The following CDH4 variants were observed in gnomAD, a reference collection of about 807,000 sequenced individuals.
CDH4 encodes the protein cadherin 4.
A neutral mutation model predicts 86.0 loss-of-function variants in CDH4; 33 were observed. That is an observed-to-expected ratio of 0.38 (90% CI 0.29 to 0.51). CDH4 has a LOEUF of 0.51. Ranked by LOEUF, CDH4 falls within the 20% of genes least tolerant of loss-of-function variation. The pLI, the probability that CDH4 is intolerant of heterozygous loss-of-function variation, is 0.86. For synonymous variants in CDH4, 555 were observed against 549.4 expected, an observed-to-expected ratio of 1.01 and a Z score of -0.14; for missense variants, 1,114 against 1,307.4, an observed-to-expected ratio of 0.85 and a Z score of 2.28.
rs548924115 is a variant in CDH4 at position 61,419,395 on chromosome 20, G to A, written c.169+164458G>A. Among the ~76,000 whole-genome samples the A allele has an allele frequency of 6.6e-5, 10 of 152,306 alleles. No homozygotes were observed. The East Asian group carries it at 9.6e-4, about 15-fold the overall frequency. On this transcript the variant is annotated intron_variant, in intron 2 of 15. Coordinates refer to ENST00000614565, the MANE Select transcript of CDH4 (RefSeq NM_001794.5). ...TAATCCTTACAGCTTAGGCAAGTTC[G>A]TGGTGCCTCAGAGATGAAACCTGAG...
At chr20:61,611,379 C>T (rs2086684063) in intron 2 of CDH4, among the ~76,000 whole-genome samples, 1 of 152,052 alleles carries the variant, frequency 6.6e-6, no homozygotes, top group Admixed American at 6.5e-5. Context: ...TCCCAGGGCT[C>T]TGGGAGCTGA....
chr20:61,894,642 A>G (rs1382761519), intron 7 of CDH4, among the ~76,000 whole-genome samples: 3 of 152,052 alleles, frequency 2.0e-5, no homozygotes, highest in Non-Finnish European at 2.9e-5. Context: ...ATCTGCCCCT[A>G]TCAACGGCAG....
At chr20:61,898,210 G>A (rs971914085) in intron 8 of CDH4, among the ~76,000 whole-genome samples, 5 of 152,250 alleles carry the variant, frequency 3.3e-5, no homozygotes, top group Non-Finnish European at 4.4e-5. Flanking sequence ...CCACACTGCC[G>A]CACATGCCGC....
chr20:61,306,821 G>A lies in CDH4; in HGVS notation c.169+51884G>A, dbSNP rs1445750634. ...CACCTGGATCCACTGCAGACCTACA[G>A]CTCAGCGTTGCCTGATTTCGAACTT... is the stretch of plus-strand genomic sequence containing the variant. On this transcript the variant is annotated intron_variant, in intron 2 of 15. Transcript: ENST00000614565. Among the ~76,000 whole-genome samples the A allele has an allele frequency of 3.5e-4, 53 of 152,232 alleles. 1 individual carries two copies. Among genetic ancestry groups the A allele is most frequent in the Non-Finnish European group, 1.3e-4 (9 of 68,022 alleles).
intron 8 of CDH4, among the ~76,000 whole-genome samples, chr20:61,901,301 C>G (rs1435985302): frequency 6.6e-6 from 1 of 152,182 alleles, no homozygotes; most frequent in Non-Finnish European, 1.5e-5. Context: ...TCCGACAATT[C>G]TGATTTGTGA....
chr20:61,427,520 C>T (rs1413386795), intron 2 of CDH4, among the ~76,000 whole-genome samples: 1 of 151,340 alleles, frequency 6.6e-6, no homozygotes. Context: ...TTTTTTGGAC[C>T]ACCTGGCAGC....
chr20:61,488,140 T>C (rs2085606558), intron 2 of CDH4, among the ~76,000 whole-genome samples: 1 of 152,216 alleles, frequency 6.6e-6, no homozygotes, highest in African/African-American at 2.4e-5. Flanking sequence ...TTAGCAGCAG[T>C]GATCTAACAT....
chr20:61,310,192 T>C (rs1474801035), intron 2 of CDH4, among the ~76,000 whole-genome samples: 2 of 152,160 alleles, frequency 1.3e-5, no homozygotes, highest in African/African-American at 4.8e-5. Flanking sequence ...TTCAGCCCAC[T>C]GTCTGGTTGG....
Position 61,784,533 on chromosome 20 carries a change from CGAGG to C in CDH4, c.576+11352_576+11355del, listed in dbSNP as rs1264092482. ...AAGCCCAGTTCCTCGGGACAGTTCTCGAGGCCCTCAGGTGTCTTGTGCCCCCAAG... is the reference window on the plus strand; with the variant it reads ...AAGCCCAGTTCCTCGGGACAGTTCTCCCCTCAGGTGTCTTGTGCCCCCAAG... On this transcript the variant is annotated intron_variant, in intron 4 of 15. Transcript: ENST00000614565. 9.2e-3 allele frequency among the ~76,000 whole-genome samples: 961 copies of C among 104,704 alleles called. 3 individuals carry two copies. Among genetic ancestry groups the C allele is most frequent in the Middle Eastern group, 0.017 (3 of 176 alleles). 68.7% of individuals were successfully genotyped at this position (104,704 alleles called of 152,430 possible).
chr20:61,554,410 C>T (rs2086158447), intron 2 of CDH4, among the ~76,000 whole-genome samples: 2 of 152,220 alleles, frequency 1.3e-5, no homozygotes, highest in Admixed American at 1.3e-4. Flanking sequence ...CATTATGTCG[C>T]CACTGACCAG....
chr20:61,907,372 G>T (rs2054801357), intron 8 of CDH4, among the ~76,000 whole-genome samples: 1 of 151,862 alleles, frequency 6.6e-6, no homozygotes, highest in African/African-American at 2.4e-5. Flanking sequence ...ATCCCGTGTG[G>T]CCACAGCCTC....
intron 2 of CDH4, among the ~76,000 whole-genome samples, chr20:61,613,752 T>G (rs79558918): frequency 0.017 from 2,510 of 152,036 alleles, 96 homozygotes; most frequent in African/African-American, 0.057. Context: ...ATTTGATTCT[T>G]GAGCTGGGCA....
At chr20:61,769,680 C>G (rs2145981471) in intron 3 of CDH4, among the ~76,000 whole-genome samples, 1 of 152,256 alleles carries the variant, frequency 6.6e-6, no homozygotes, top group African/African-American at 2.4e-5. Context: ...AATGATGGTG[C>G]TCCCCGCTGA....
intron 2 of CDH4, among the ~76,000 whole-genome samples, chr20:61,683,090 G>A (rs576216093): frequency 6.6e-6 from 1 of 152,190 alleles, no homozygotes; most frequent in East Asian, 1.9e-4. Context: ...CCTGGCAATG[G>A]GACTGGCTGC....
At chr20:61,457,889 AGTG>A (rs967021568) in intron 2 of CDH4, among the ~76,000 whole-genome samples, 4 of 145,082 alleles carry the variant, frequency 2.8e-5, no homozygotes, top group African/African-American at 7.9e-5. Flanking sequence ...GACTGACACT[AGTG>A]GTGGTGATGG....
intron 2 of CDH4, among the ~76,000 whole-genome samples, chr20:61,491,914 G>A (rs2085627935): frequency 6.6e-6 from 1 of 152,100 alleles, no homozygotes; most frequent in Non-Finnish European, 1.5e-5. Flanking sequence ...GATGCTGGTG[G>A]TACTGATGTT....
At chr20:61,542,656 T>C (rs2086048926) in intron 2 of CDH4, among the ~76,000 whole-genome samples, 1 of 152,224 alleles carries the variant, frequency 6.6e-6, no homozygotes, top group South Asian at 2.1e-4. Flanking sequence ...AAGTAAACTT[T>C]TGGAAACACA....
intron 2 of CDH4, among the ~76,000 whole-genome samples, chr20:61,539,253 GCTTA>G (rs1055031745): frequency 2.0e-5 from 3 of 152,184 alleles, no homozygotes; most frequent in Admixed American, 6.5e-5. Context: ...CCCAGCCCCA[GCTTA>G]CTTCTTGCAT....
chr20:61,826,093 A>C (rs1010444608), intron 4 of CDH4, among the ~76,000 whole-genome samples: 1 of 152,152 alleles, frequency 6.6e-6, no homozygotes, highest in Non-Finnish European at 1.5e-5. Flanking sequence ...CAAGCCATGC[A>C]GCAAGCCCAA....
Sources: gnomAD v4.1 joint callset for allele counts (sites outside exome capture counted in the v4.1 genomes callset) on GRCh38, gnomAD v4.1.1 for gene constraint, MANE v1.5 for transcripts, NCBI Gene and HGNC (gene_info 2026-07-23, HGNC 2026-07-21) for gene names.